STAG1: variants seen among roughly 807,000 people sequenced by gnomAD.
The protein encoded by STAG1 is cohesin subunit SA-1.
A neutral mutation model predicts 170.9 loss-of-function variants in STAG1; 26 were observed. The ratio of observed to expected loss-of-function variants is 0.15; its 90% CI spans 0.11 to 0.21. STAG1 has a LOEUF of 0.21. STAG1 is among the 10% of genes least tolerant of loss of function. The pLI is 1.00. For missense variants in STAG1, 964 were observed against 1,509.5 expected (o/e 0.64, Z 5.99); for synonymous variants, 514 against 497.7 (o/e 1.03, Z -0.44).
chr3:136,619,444 G>A (rs1427332517), intron 3 of STAG1, among the ~76,000 whole-genome samples: 1 of 151,818 alleles, frequency 6.6e-6, no homozygotes, highest in Admixed American at 6.6e-5. Context: ...ATTGGGTAGA[G>A]GTGGCGATTT....
intron 3 of STAG1, among the ~76,000 whole-genome samples, chr3:136,615,811 CAT>C (rs1939566467): frequency 6.7e-6 from 1 of 149,846 alleles, no homozygotes; most frequent in Non-Finnish European, 1.5e-5. Context: ...AAAGAAAAAA[CAT>C]ATTCCCACCC....
At chr3:136,607,389 A>C (rs1939010854) in intron 3 of STAG1, among the ~76,000 whole-genome samples, 1 of 151,928 alleles carries the variant, frequency 6.6e-6, no homozygotes, top group Admixed American at 6.6e-5. Flanking sequence ...GTTCTAATTC[A>C]ATACTATTTG....
intron 25 of STAG1, among the ~76,000 whole-genome samples, chr3:136,364,626 A>G (rs983376811): frequency 3.3e-5 from 5 of 152,208 alleles, no homozygotes; most frequent in African/African-American, 4.8e-5. Context: ...TACTATCGAA[A>G]TATAAAAAAG....
intron 9 of STAG1, among the ~76,000 whole-genome samples, chr3:136,486,171 G>GTA (rs1185154742): frequency 1.3e-5 from 2 of 152,186 alleles, no homozygotes; most frequent in African/African-American, 4.8e-5. Context: ...AAGCTACTGT[G>GTA]TACCTAATGT....
chr3:136,546,253 T>C (rs1936150642), intron 5 of STAG1, among the ~76,000 whole-genome samples: 1 of 152,208 alleles, frequency 6.6e-6, no homozygotes. Context: ...AGAAAAATAA[T>C]GTCTGTCTGC....
intron 2 of STAG1, among the ~76,000 whole-genome samples, chr3:136,626,072 C>T (rs1382536197): frequency 2.7e-5 from 4 of 150,472 alleles, no homozygotes; most frequent in African/African-American, 9.8e-5. Context: ...CAAAACAAAA[C>T]AACAAAAATG....
chr3:136,698,522 G>A (rs939065424), intron 1 of STAG1, among the ~76,000 whole-genome samples: 26 of 152,090 alleles, frequency 1.7e-4, no homozygotes, highest in African/African-American at 6.3e-4. Context: ...GTGGTAAAAA[G>A]GCAACATTTT....
At chr3:136,585,318 T>C (rs886373046) in intron 4 of STAG1, among the ~76,000 whole-genome samples, 9 of 152,158 alleles carry the variant, frequency 5.9e-5, no homozygotes, top group Admixed American at 4.6e-4. Flanking sequence ...GGTGTTCACC[T>C]GTAATCTCAG....
chr3:136,552,127 C>T (rs1936432217), intron 5 of STAG1, among the ~76,000 whole-genome samples: 1 of 152,130 alleles, frequency 6.6e-6, no homozygotes, highest in Non-Finnish European at 1.5e-5. Flanking sequence ...AAAGCTTTTT[C>T]AAAACCATGA....
At chr3:136,545,439 T>C (rs923387124) in intron 5 of STAG1, among the ~76,000 whole-genome samples, 7 of 152,122 alleles carry the variant, frequency 4.6e-5, no homozygotes, top group Non-Finnish European at 8.8e-5. Flanking sequence ...GACATAAATA[T>C]GGATGGATTG....
chr3:136,393,361 C>T (rs895515436), intron 22 of STAG1, among the ~76,000 whole-genome samples: 5 of 151,906 alleles, frequency 3.3e-5, no homozygotes, highest in Admixed American at 1.3e-4. Context: ...AAAAATTAGC[C>T]GGACATGGTG....
chr3:136,729,570 C>CT (rs34078029), intron 1 of STAG1, among the ~76,000 whole-genome samples: 1,538 of 94,638 alleles, frequency 0.016, 31 homozygotes, highest in African/African-American at 0.033. Context: ...TGTAGTTTTC[C>CT]TTTTTTTTTT....
At chr3:136,406,942 A>G (rs1395801154) in intron 21 of STAG1, among the ~76,000 whole-genome samples, 1 of 152,268 alleles carries the variant, frequency 6.6e-6, no homozygotes, top group African/African-American at 2.4e-5. Flanking sequence ...GCTTACATAT[A>G]AATTCCAAAT....
At chr3:136,723,309 A>C in intron 1 of STAG1, among the ~76,000 whole-genome samples, 2 of 116,974 alleles carry the variant, frequency 1.7e-5, no homozygotes, top group Non-Finnish European at 3.5e-5. Context: ...CCGGCCGCCC[A>C]TCGTCTGAGA....
intron 5 of STAG1, among the ~76,000 whole-genome samples, chr3:136,547,306 C>G (rs1170525130): frequency 2.0e-5 from 3 of 152,154 alleles, no homozygotes; most frequent in Admixed American, 6.6e-5. Context: ...AAAGCCCATA[C>G]TTTATGCAGA....
intron 4 of STAG1, among the ~76,000 whole-genome samples, chr3:136,586,141 A>G (rs1937806838): frequency 6.6e-6 from 1 of 152,188 alleles, no homozygotes; most frequent in Non-Finnish European, 1.5e-5. Flanking sequence ...ATATATTTAA[A>G]CATCTATAAA....
Position 136,460,089 on chromosome 3 carries a change from T to C in STAG1, c.1313+4792A>G, listed in dbSNP as rs141639113. Among the ~76,000 whole-genome samples, 983 of 152,210 alleles carry C rather than the reference T, an allele frequency of 6.5e-3. 12 individuals carry two copies. The highest frequency in any genetic ancestry group is 0.022 in the African/African-American group (934 of 41,544). Reference sequence around the variant, plus strand: ...AGACCAATGAAACCACAATTGGTTTTTTAAAAAATAAACAAAATGGACAAA... The same window carrying C: ...AGACCAATGAAACCACAATTGGTTTCTTAAAAAATAAACAAAATGGACAAA... On this transcript the variant is annotated intron_variant, in intron 13 of 33. Transcript: ENST00000383202.
intron 1 of STAG1, among the ~76,000 whole-genome samples, chr3:136,641,888 A>G (rs1448266758): frequency 6.6e-6 from 1 of 152,146 alleles, no homozygotes; most frequent in African/African-American, 2.4e-5. Context: ...TATTTTTGCA[A>G]CTTTATTAAA....
At chr3:136,541,966 T>C in intron 6 of STAG1, among the ~76,000 whole-genome samples, 153 bp downstream of exon 6, 1 of 152,208 alleles carries the variant, frequency 6.6e-6, no homozygotes, top group South Asian at 2.1e-4. Context: ...AGATCATTAA[T>C]TTTGGAATTA....
Sources: allele counts gnomAD v4.1 joint callset (sites outside exome capture counted in the v4.1 genomes callset), GRCh38; gene constraint gnomAD v4.1.1; transcripts MANE v1.5; gene names NCBI Gene and HGNC (gene_info 2026-07-23, HGNC 2026-07-21).